ENPP1: variants seen among roughly 807,000 people sequenced by gnomAD.
ENPP1 encodes the protein ectonucleotide pyrophosphatase/phosphodiesterase family member 1.
Under a neutral mutation model 122.8 loss-of-function variants are expected in ENPP1, and 73 were observed. The observed-to-expected ratio is 0.59, with a 90% CI of 0.49 to 0.72. The LOEUF is 0.72. ENPP1 is among the 30% of genes least tolerant of loss of function. The pLI is 0.00. For synonymous variants in ENPP1, 367 were observed against 391.6 expected (o/e 0.94, Z 0.74); for missense variants, 978 against 1,128.1 (o/e 0.87, Z 1.91).
intron 23 of ENPP1, among the ~76,000 whole-genome samples, chr6:131,885,667 G>T: frequency 6.6e-6 from 1 of 152,220 alleles, no homozygotes; most frequent in Non-Finnish European, 1.5e-5. Flanking sequence ...TGTTAAGTCC[G>T]TAGGAAAAAG....
intron 22 of ENPP1, among the ~76,000 whole-genome samples, chr6:131,884,729 T>C (rs1782354131): frequency 1.3e-5 from 2 of 152,164 alleles, no homozygotes; most frequent in South Asian, 4.1e-4. Context: ...GAGCTATGAT[T>C]GTGCCACTGC....
rs967571469 is a variant in ENPP1, at chr6:131,855,294, C to T, written c.715+271C>T. 4.5e-4 allele frequency among the ~76,000 whole-genome samples: 68 copies of T among 151,978 alleles called. 1 individual carries two copies. Among genetic ancestry groups the T allele is most frequent in the African/African-American group, 1.6e-3 (68 of 41,372 alleles). On this transcript the variant is annotated intron_variant, in intron 6 of 24. Transcript: ENST00000647893. The stretch of plus-strand genomic sequence containing the variant: ...TTATTCTTTCTCAGAATTTTGAATT[C>T]CTTGTGAAAAAGTCCCTTGTTTATT...
At chr6:131,867,891 C>G in intron 11 of ENPP1, 127 bp from the exon 12 acceptor site, 1 of 713,940 alleles carries the variant, frequency 1.4e-6, no homozygotes, top group Non-Finnish European at 2.5e-6. Flanking sequence ...CCTTATCTAT[C>G]TATCTGTCTG....
At chr6:131,857,006 G>T (rs1781955770) in intron 6 of ENPP1, among the ~76,000 whole-genome samples, 4 of 152,050 alleles carry the variant, frequency 2.6e-5, no homozygotes, top group Admixed American at 2.6e-4. Context: ...CTTTAAAGTA[G>T]TTTTTTCCAA....
chr6:131,837,458 G>A (rs1781689295), intron 1 of ENPP1, among the ~76,000 whole-genome samples: 2 of 149,730 alleles, frequency 1.3e-5, no homozygotes, highest in African/African-American at 2.5e-5. Context: ...CCTGGGAGGC[G>A]GAGGTTGCAG....
intron 12 of ENPP1, among the ~76,000 whole-genome samples, chr6:131,869,074 C>A (rs149327208): frequency 5.3e-5 from 8 of 152,194 alleles, no homozygotes; most frequent in African/African-American, 1.9e-4. Flanking sequence ...CTTTCACATT[C>A]GGTCTAAAAA....
chr6:131,825,966 A>G (rs2114665062), intron 1 of ENPP1: 1 of 555,884 alleles, frequency 1.8e-6, no homozygotes, highest in Non-Finnish European at 3.3e-6. Flanking sequence ...TTGAAACATG[A>G]GTCTCTTCAT....
Position 131,830,274 on chromosome 6 carries a change from C to T in ENPP1, c.241-17502C>T, listed in dbSNP as rs12528076. ...GCTGCAATGCTCAGTGGATGTGATG[C>T]TCATTGGAGGCTATGCCCACTCTAC... On this transcript the variant is annotated intron_variant, in intron 1 of 24. Transcript: ENST00000647893. Among the ~76,000 whole-genome samples, 3,909 of 152,214 alleles carry T rather than the reference C, an allele frequency of 0.026. 224 individuals carry two copies. In the East Asian group the frequency reaches 0.26, roughly 10 times the overall value.
chr6:131,829,087 C>T (rs1657815161), intron 1 of ENPP1, among the ~76,000 whole-genome samples: 1 of 152,244 alleles, frequency 6.6e-6, no homozygotes, highest in South Asian at 2.1e-4. Flanking sequence ...TCTGCATAGG[C>T]AAGATTCTTG....
Position 131,850,026 on chromosome 6 carries a change from T to G in ENPP1, c.350T>G (p.Phe117Cys), listed in dbSNP as rs756474353. 1.9e-6 allele frequency: 3 copies of G among 1,613,976 alleles called. No homozygotes were observed. In the African/African-American group the frequency reaches 4.0e-5, roughly 22 times the overall value. The change falls in exon 3 of 25, where the codon TTT becomes TGT. Residue 117 changes from phenylalanine to cysteine, a missense_variant. Transcript: ENST00000647893. ...AAAGGTCGCTGTTTCGAGAGAACAT[T>G]TGGGAACTGTCGCTGTGATGCTGCC... ...SCKGRCFERTFGNCRCDAACV... is the reference protein window; with the variant it reads ...SCKGRCFERTCGNCRCDAACV...
At chr6:131,845,938 CAT>C (rs900483965) in intron 1 of ENPP1, among the ~76,000 whole-genome samples, 8 of 152,292 alleles carry the variant, frequency 5.3e-5, no homozygotes, top group African/African-American at 1.7e-4. Context: ...AAGAAAAACA[CAT>C]GTTTTTGCAT....
At chr6:131,888,179 A>C (rs1262952153) in intron 24 of ENPP1, among the ~76,000 whole-genome samples, 3 of 150,420 alleles carry the variant, frequency 2.0e-5, no homozygotes, top group South Asian at 2.1e-4. Flanking sequence ...GCAATTTTTA[A>C]GTTTTCTCTT....
At chr6:131,825,126 G>T (rs1319109192) in intron 1 of ENPP1, among the ~76,000 whole-genome samples, 1 of 151,836 alleles carries the variant, frequency 6.6e-6, no homozygotes, top group East Asian at 1.9e-4. Flanking sequence ...TTTTCTGTTT[G>T]GTTTCTTTTT....
At chr6:131,871,362 A>T (rs1485449815) in intron 13 of ENPP1, among the ~76,000 whole-genome samples, 1 of 152,212 alleles carries the variant, frequency 6.6e-6, no homozygotes, top group Non-Finnish European at 1.5e-5. Flanking sequence ...TGGGCATACT[A>T]TGCAAATGCA....
chr6:131,826,833 C>T, intron 1 of ENPP1: 1 of 385,322 alleles, frequency 2.6e-6, no homozygotes, highest in Non-Finnish European at 4.9e-6. Flanking sequence ...AGGGAGAACA[C>T]AGCCTCCCTG....
Position 131,851,152 on chromosome 6 carries a change from G to A in ENPP1, c.441G>A (p.Trp147Ter). 6.2e-7 allele frequency: 1 copy of A among 1,614,010 alleles called. No individual in the cohort carries two copies. The highest frequency in any genetic ancestry group is 8.5e-7 in the Non-Finnish European group (1 of 1,179,908). The change falls in exon 4 of 25, where the codon TGG (tryptophan) becomes TGA (stop). Residue 147 changes from tryptophan (W) to a stop codon, truncating the protein, a stop_gained. Transcript: ENST00000647893. LOFTEE classifies it high-confidence loss of function. ...GATGTTTGTTTCTAGAACATATATG[G>A]ACTTGCAACAAATTCAGGTGTGGTG... ...QETCIEPEHI[W>*]TCNKFRCGEK...
At chr6:131,825,861 A>AT (rs1175540683) in intron 1 of ENPP1, 2 of 260,584 alleles carry the variant, frequency 7.7e-6, no homozygotes, top group Non-Finnish European at 1.5e-5. Flanking sequence ...TTAATTACTA[A>AT]TTTTTTTCAT....
At chr6:131,880,823 C>G (rs1782295674) in intron 20 of ENPP1, among the ~76,000 whole-genome samples, 1 of 152,030 alleles carries the variant, frequency 6.6e-6, no homozygotes, top group African/African-American at 2.4e-5. Flanking sequence ...AAGACACGAG[C>G]CCAAACCAGG....
intron 1 of ENPP1, among the ~76,000 whole-genome samples, chr6:131,818,511 G>A (rs909208398): frequency 1.3e-5 from 2 of 152,038 alleles, no homozygotes; most frequent in African/African-American, 4.8e-5. Context: ...AGCCGGGCAT[G>A]GTGGTGGGCG....
Sources: allele counts gnomAD v4.1 joint callset (sites outside exome capture counted in the v4.1 genomes callset), GRCh38; gene constraint gnomAD v4.1.1; transcripts MANE v1.5; gene names NCBI Gene and HGNC (gene_info 2026-07-23, HGNC 2026-07-21).